The following CRADD variants were observed in gnomAD, a reference collection of about 807,000 sequenced individuals.
The protein encoded by CRADD is CARD and death domain containing adaptor protein.
Under a neutral mutation model 15.5 loss-of-function variants are expected in CRADD, and 9 were observed. The ratio of observed to expected loss-of-function variants is 0.58; its 90% CI spans 0.35 to 1.01. CRADD has a LOEUF of 1.01. Among genes scored for constraint, CRADD ranks in the 50% least tolerant of loss-of-function variants. CRADD has a pLI of 0.02. For missense variants in CRADD, 227 were observed against 250.3 expected, an observed-to-expected ratio of 0.91 and a Z score of 0.63; for synonymous variants, 118 against 107.6, an observed-to-expected ratio of 1.10 and a Z score of -0.60.
chr12:93,694,373 GT>G (rs1389901945), intron 2 of CRADD, among the ~76,000 whole-genome samples: 22 of 152,248 alleles, frequency 1.4e-4, no homozygotes, highest in Admixed American at 1.2e-3. Context: ...ATACTCAACA[GT>G]GGAAAACTGA....
chr12:93,884,163 C>G (rs2137075000), intron 2 of CRADD, among the ~76,000 whole-genome samples: 2 of 152,264 alleles, frequency 1.3e-5, no homozygotes, highest in Non-Finnish European at 2.9e-5. Flanking sequence ...CCACAGTTCT[C>G]CAGAGACAGG....
At chr12:93,695,820 C>T (rs548916694) in intron 2 of CRADD, among the ~76,000 whole-genome samples, 1 of 152,272 alleles carries the variant, frequency 6.6e-6, no homozygotes, top group South Asian at 2.1e-4. Flanking sequence ...CACTTGAAAC[C>T]AGGAGGCGGA....
chr12:93,866,005 G>C (rs561119820), intron 2 of CRADD, among the ~76,000 whole-genome samples: 1 of 152,142 alleles, frequency 6.6e-6, no homozygotes, highest in African/African-American at 2.4e-5. Flanking sequence ...TTATTGAGAA[G>C]ATTAATGGTC....
rs184815242 is a variant in CRADD, at chr12:93,784,603, G to C, written c.299-65367G>C. Among the ~76,000 whole-genome samples the C allele has an allele frequency of 5.9e-5, 9 of 152,106 alleles. No individual in the cohort carries two copies. The East Asian group carries it at 1.7e-3, about 30-fold the overall frequency. ...AGAGCACCTTAAAACCCTTTGTTCTGTGTCAGAGCTGTTTTTCAGCTTTGC... is the reference window on the plus strand; with the variant it reads ...AGAGCACCTTAAAACCCTTTGTTCTCTGTCAGAGCTGTTTTTCAGCTTTGC... On this transcript the variant is annotated intron_variant, in intron 2 of 2. Coordinates refer to ENST00000332896, the MANE Select transcript of CRADD (RefSeq NM_003805.5).
At chr12:93,747,594 A>G (rs754437310) in intron 2 of CRADD, among the ~76,000 whole-genome samples, 1 of 151,744 alleles carries the variant, frequency 6.6e-6, no homozygotes, top group Non-Finnish European at 1.5e-5. Flanking sequence ...TCAGCCTCCC[A>G]AGTAGCTGGG....
At chr12:93,704,819 C>G (rs930540015) in intron 2 of CRADD, among the ~76,000 whole-genome samples, 5 of 152,188 alleles carry the variant, frequency 3.3e-5, no homozygotes, top group Admixed American at 6.5e-5. Context: ...CAGGCCTCCT[C>G]TGTCACTCCA....
At chr12:93,752,113 A>G (rs1162354128) in intron 2 of CRADD, among the ~76,000 whole-genome samples, 1 of 152,208 alleles carries the variant, frequency 6.6e-6, no homozygotes, top group Non-Finnish European at 1.5e-5. Context: ...TTTACTTGCT[A>G]AGGGCGCTAT....
Position 93,850,074 on chromosome 12 carries a change from G to T in CRADD, c.403G>T (p.Val135Leu), listed in dbSNP as rs1958194482. 1 of 1,613,330 alleles carries T rather than the reference G, an allele frequency of 6.2e-7. No individual in the cohort carries two copies. The highest frequency in any genetic ancestry group is 2.2e-5 in the East Asian group (1 of 44,876). ...QRLGPEWEPM[V>L]LSLGLSQTDI... is the part of the protein sequence containing the mutation. Reference sequence around the variant, plus strand: ...GCTGGGCCCTGAGTGGGAGCCCATGGTGCTGTCTCTGGGACTGTCCCAGAC... The same window carrying T: ...GCTGGGCCCTGAGTGGGAGCCCATGTTGCTGTCTCTGGGACTGTCCCAGAC... Residue 135 changes from valine (V) to leucine (L), a missense_variant, in exon 3 of 3, where the codon GTG (valine) becomes TTG (leucine). Physicochemically the swap from Val to Leu is conservative, Grantham distance 32. Coordinates refer to ENST00000332896, the MANE Select transcript of CRADD (RefSeq NM_003805.5). This position sits in a 1 kb window ranked among gnomAD's most constrained non-coding sequence, Gnocchi z 4.0.
intron 2 of CRADD, among the ~76,000 whole-genome samples, chr12:93,865,067 G>C (rs1242772185): frequency 6.6e-6 from 1 of 152,182 alleles, no homozygotes; most frequent in African/African-American, 2.4e-5. Flanking sequence ...ACAAATCCTA[G>C]ACCAGAACGT....
intron 2 of CRADD, among the ~76,000 whole-genome samples, chr12:93,759,648 T>C (rs1206379857): frequency 1.3e-5 from 2 of 152,130 alleles, no homozygotes; most frequent in African/African-American, 2.4e-5. Context: ...TCTCTTTCTA[T>C]AGCCAAGAAA....
chr12:93,693,922 ATCTTTCTCAAAC>A (rs1955636478), intron 2 of CRADD, among the ~76,000 whole-genome samples: 2 of 152,084 alleles, frequency 1.3e-5, no homozygotes, highest in Admixed American at 6.5e-5. Flanking sequence ...ACAAATACCA[ATCTTTCTCAAAC>A]TCTTCTACAA....
intron 2 of CRADD, among the ~76,000 whole-genome samples, chr12:93,763,571 A>G (rs1956993727): frequency 1.3e-5 from 2 of 152,056 alleles, no homozygotes; most frequent in South Asian, 4.1e-4. Context: ...TCTTATTAGC[A>G]TTTTGGATTC....
intron 2 of CRADD, chr12:93,826,781 C>T (rs962278385): frequency 2.6e-5 from 4 of 152,196 alleles, no homozygotes; most frequent in Admixed American, 2.6e-4. Flanking sequence ...CATCGCTGAA[C>T]CAGACACTCC....
At chr12:93,694,249 G>T (rs1955645025) in intron 2 of CRADD, among the ~76,000 whole-genome samples, 1 of 151,556 alleles carries the variant, frequency 6.6e-6, no homozygotes, top group Admixed American at 6.6e-5. Flanking sequence ...TGCAGAAAAA[G>T]CTTTCGACAA....
chr12:93,684,380 T>G (rs1274678667), intron 2 of CRADD, among the ~76,000 whole-genome samples: 1 of 152,156 alleles, frequency 6.6e-6, no homozygotes, highest in Non-Finnish European at 1.5e-5. Context: ...GCATGTGCAG[T>G]TCACAATAGG....
In CRADD at chr12:93,817,818, C is replaced by G. The variant is rs374632363; in HGVS notation, c.299-32152C>G. Among the ~76,000 whole-genome samples, 24 of 152,266 alleles carry G rather than the reference C, an allele frequency of 1.6e-4. 1 individual carries two copies. The highest frequency in any genetic ancestry group is 5.5e-4 in the African/African-American group (23 of 41,570). ...TCCTCGCACTTGGTCATTCTACAGC[C>G]AGTCAGGGATCCTGTTGGCCTGCCT... On this transcript the variant is annotated intron_variant, in intron 2 of 2. Transcript: ENST00000332896.
At chr12:93,823,869 G>A (rs1410365838) in intron 2 of CRADD, among the ~76,000 whole-genome samples, 2 of 152,148 alleles carry the variant, frequency 1.3e-5, no homozygotes, top group Non-Finnish European at 2.9e-5. Context: ...GAAGGAACTC[G>A]AATCATTAAA....
At chr12:93,863,188 C>A (rs1958331137) in intron 2 of CRADD, among the ~76,000 whole-genome samples, 1 of 152,106 alleles carries the variant, frequency 6.6e-6, no homozygotes, top group Non-Finnish European at 1.5e-5. Context: ...AGGCAGTGGG[C>A]ATTGTCTCTG....
At chr12:93,818,852 C>A (rs896266508) in intron 2 of CRADD, among the ~76,000 whole-genome samples, 1 of 152,206 alleles carries the variant, frequency 6.6e-6, no homozygotes, top group Non-Finnish European at 1.5e-5. Flanking sequence ...TCGTGAGAGG[C>A]GGCCTGGCCC....
Sources: allele counts gnomAD v4.1 joint callset (sites outside exome capture counted in the v4.1 genomes callset), GRCh38; gene constraint gnomAD v4.1.1; non-coding constraint Gnocchi (gnomAD v3.1); transcripts MANE v1.5; gene names NCBI Gene and HGNC (gene_info 2026-07-23, HGNC 2026-07-21).